SCMH1: variants seen among roughly 807,000 people sequenced by gnomAD.
SCMH1 encodes polycomb protein SCMH1.
A neutral mutation model predicts 70.8 loss-of-function variants in SCMH1; 37 were observed. That is an observed-to-expected ratio of 0.52 (90% confidence interval 0.40 to 0.69). The LOEUF is 0.69. Among genes scored for constraint, SCMH1 ranks in the 30% least tolerant of loss-of-function variants. The pLI is 0.00. For synonymous variants in SCMH1, 292 were observed against 307.4 expected (o/e 0.95, Z 0.52); for missense variants, 607 against 827.3 (o/e 0.73, Z 3.27).
intron 13 of SCMH1, among the ~76,000 whole-genome samples, chr1:41,034,978 A>G (rs1198051358): frequency 2.0e-5 from 3 of 151,702 alleles, no homozygotes; most frequent in South Asian, 2.1e-4. Flanking sequence ...AGTGACTCTC[A>G]CCTCCATTCT....
At chr1:41,088,028 A>G (rs1468017959) in intron 8 of SCMH1, among the ~76,000 whole-genome samples, 1 of 151,688 alleles carries the variant, frequency 6.6e-6, no homozygotes, top group Admixed American at 6.6e-5. Context: ...TATTGATTGT[A>G]TACACACACA....
chr1:41,210,441 C>T (rs1490837349), intron 1 of SCMH1, among the ~76,000 whole-genome samples: 1 of 152,204 alleles, frequency 6.6e-6, no homozygotes, highest in East Asian at 1.9e-4. Context: ...AGGCATCACA[C>T]TACCTGACTT....
At chr1:41,117,398 C>G (rs1670744701) in intron 6 of SCMH1, among the ~76,000 whole-genome samples, 1 of 151,200 alleles carries the variant, frequency 6.6e-6, no homozygotes, top group Admixed American at 6.6e-5. Flanking sequence ...AGCGGTAACA[C>G]CAGCGTCTGG....
intron 4 of SCMH1, among the ~76,000 whole-genome samples, chr1:41,153,190 T>A (rs1645223183): frequency 6.6e-6 from 1 of 152,244 alleles, no homozygotes; most frequent in Non-Finnish European, 1.5e-5. Context: ...AATCTTCAAC[T>A]CTGGCATCTA....
chr1:41,196,097 T>TG (rs2148694435), intron 1 of SCMH1, among the ~76,000 whole-genome samples: 1 of 152,282 alleles, frequency 6.6e-6, no homozygotes, highest in East Asian at 1.9e-4. Flanking sequence ...CTCTGTTCTG[T>TG]GTTCATGGAC....
intron 6 of SCMH1, among the ~76,000 whole-genome samples, chr1:41,124,080 A>C (rs376465151): frequency 2.0e-5 from 3 of 152,076 alleles, no homozygotes; most frequent in South Asian, 4.1e-4. Flanking sequence ...TTTTATTTTG[A>C]AAAGTTATAA....
chr1:41,207,269 A>G (rs905537578), intron 1 of SCMH1, among the ~76,000 whole-genome samples: 1 of 152,330 alleles, frequency 6.6e-6, no homozygotes, highest in African/African-American at 2.4e-5. Flanking sequence ...GTCAAGACCC[A>G]TCAGTGTGCT....
intron 12 of SCMH1, among the ~76,000 whole-genome samples, chr1:41,040,053 T>C (rs985128340): frequency 6.6e-6 from 1 of 152,060 alleles, no homozygotes; most frequent in African/African-American, 2.4e-5. Flanking sequence ...ACTTGATTAG[T>C]CAATGATCAC....
rs1669918188 is a variant in SCMH1 at position 41,114,299 on chromosome 1, G to C, written c.502-773C>G. On this transcript the variant is annotated intron_variant, in intron 7 of 14. Coordinates refer to ENST00000337495, the Ensembl canonical transcript of SCMH1. ...TTCACCGGAAGTGTAGAGAGTTCCT[G>C]GGTGCTAATTTGTAATGCAGTTACA... 2.0e-5 allele frequency among the ~76,000 whole-genome samples: 3 copies of C among 152,258 alleles called. No homozygotes were observed. In the South Asian group the frequency reaches 6.2e-4, roughly 32 times the overall value.
At chr1:41,042,423 A>G (rs1646308343) in intron 12 of SCMH1, among the ~76,000 whole-genome samples, 1 of 151,890 alleles carries the variant, frequency 6.6e-6, no homozygotes, top group African/African-American at 2.4e-5. Flanking sequence ...TAATTTTTGT[A>G]TTATTAGTAG....
intron 5 of SCMH1, among the ~76,000 whole-genome samples, chr1:41,147,232 G>A (rs997211603): frequency 2.6e-5 from 4 of 151,840 alleles, no homozygotes; most frequent in Non-Finnish European, 4.4e-5. Flanking sequence ...TAAATCTTTC[G>A]ACCCAGATCC....
chr1:41,135,481 ATTC>A, intron 6 of SCMH1, among the ~76,000 whole-genome samples: 1 of 152,252 alleles, frequency 6.6e-6, no homozygotes, highest in Non-Finnish European at 1.5e-5. Flanking sequence ...CTCAGCTCTC[ATTC>A]TTCTCTTTCC....
intron 1 of SCMH1, among the ~76,000 whole-genome samples, chr1:41,195,923 A>T (rs1305891833): frequency 6.6e-6 from 1 of 152,214 alleles, no homozygotes; most frequent in African/African-American, 2.4e-5. Context: ...GCTAGCTATG[A>T]ACAGTGTGCA....
At chr1:41,154,061 G>T (rs1645304554) in intron 4 of SCMH1, among the ~76,000 whole-genome samples, 1 of 152,148 alleles carries the variant, frequency 6.6e-6, no homozygotes. Flanking sequence ...AAATTAGCAT[G>T]GCTGTTCCAC....
intron 3 of SCMH1, 147 bp from the exon 4 acceptor site, chr1:41,161,045 C>T: frequency 1.1e-6 from 1 of 939,084 alleles, no homozygotes; most frequent in Non-Finnish European, 1.6e-6. Context: ...TCTTAGTAGT[C>T]ATTGTGGAAG....
chr1:41,122,678 A>G (rs1249916777), intron 6 of SCMH1, among the ~76,000 whole-genome samples: 7 of 152,242 alleles, frequency 4.6e-5, no homozygotes, highest in Non-Finnish European at 1.0e-4. Flanking sequence ...GTTACAAGTC[A>G]AGGTAAAGCA....
In SCMH1 at chr1:41,129,064, T is replaced by C. The variant is rs961174694; in HGVS notation, c.413-12054A>G. Among the ~76,000 whole-genome samples the C allele has an allele frequency of 2.0e-5, 3 of 152,172 alleles. 1 individual carries two copies. The South Asian group carries it at 6.2e-4, about 31-fold the overall frequency. On this transcript the variant is annotated intron_variant, in intron 6 of 14. Transcript: ENST00000337495. ...ACGCTCATGATTTCCTCTATCTTCTTGAACATATGCAATATAAACAACTGC... is the reference window on the plus strand; with the variant it reads ...ACGCTCATGATTTCCTCTATCTTCTCGAACATATGCAATATAAACAACTGC...
At chr1:41,132,357 T>G (rs12041523) in intron 6 of SCMH1, among the ~76,000 whole-genome samples, 16,555 of 152,212 alleles carry the variant, frequency 0.11, 1,269 homozygotes, top group East Asian at 0.27. Flanking sequence ...TTTTGAGAAG[T>G]GTCTGTTCAT....
At chr1:41,093,838 A>G (rs1220930077) in intron 8 of SCMH1, among the ~76,000 whole-genome samples, 1 of 152,264 alleles carries the variant, frequency 6.6e-6, no homozygotes, top group Non-Finnish European at 1.5e-5. Flanking sequence ...GGTTTCCAAA[A>G]TTCTAATTTT....
Sources: allele counts gnomAD v4.1 joint callset (sites outside exome capture counted in the v4.1 genomes callset), GRCh38; gene constraint gnomAD v4.1.1; transcripts MANE v1.5; gene names NCBI Gene and HGNC (gene_info 2026-07-23, HGNC 2026-07-21).